The following PRDM4 variants were observed in gnomAD, a reference collection of about 807,000 sequenced individuals.
The protein encoded by PRDM4 is PR/SET domain 4.
PRDM4 carries 38 observed loss-of-function variants against 62.3 expected under a neutral mutation model. The ratio of observed to expected loss-of-function variants is 0.61; its 90% CI spans 0.47 to 0.80. The LOEUF (loss-of-function observed/expected upper bound fraction) is 0.80, where lower values mean the gene tolerates loss of function less well. Among genes scored for constraint, PRDM4 ranks in the 30% least tolerant of loss-of-function variants. The probability of loss-of-function intolerance (pLI) is 0.00; values close to 1 mark genes in which losing one functional copy is unlikely to be tolerated. For missense variants in PRDM4, 858 were observed against 997.1 expected (o/e 0.86, Z 1.88); for synonymous variants, 339 against 348.2 (o/e 0.97, Z 0.30).
At position 107,751,746 on chromosome 12, in the gene PRDM4, A is replaced by C. The variant is rs1890901988; in HGVS notation, c.795T>G (p.Pro265=). 1 of 1,614,226 alleles carries C rather than the reference A, an allele frequency of 6.2e-7. No individual in the cohort carries two copies. The highest frequency in any genetic ancestry group is 2.2e-5 in the East Asian group (1 of 44,882). Residue 265 remains proline (P), a synonymous_variant, in exon 5 of 12, where the codon CCT becomes CCG. Transcript: ENST00000228437. Reference sequence around the variant, plus strand: ...CAATGTGGTCTGTCTCCATGACCACAGGGAGCTCCAGGCCATTCCCATGCA... The same window carrying C: ...CAATGTGGTCTGTCTCCATGACCACCGGGAGCTCCAGGCCATTCCCATGCA... ...IPMHGNGLEL[P]VVMETDHIAS... is the part of the protein sequence containing the mutation.
At chr12:107,735,943 T>C (rs892650636) in intron 11 of PRDM4, among the ~76,000 whole-genome samples, 1 of 152,062 alleles carries the variant, frequency 6.6e-6, no homozygotes, top group African/African-American at 2.4e-5. Context: ...GAAGAACCCT[T>C]AGAATTCCCT....
intron 3 of PRDM4, 34 bp from the exon 4 acceptor site, chr12:107,754,143 A>C (rs192923215): frequency 1.3e-6 from 2 of 1,485,596 alleles, no homozygotes; most frequent in East Asian, 4.6e-5. Context: ...CAGTTAAAAG[A>C]AAATAGGTAA....
At position 107,733,468 on chromosome 12, in the gene PRDM4, A is replaced by G. The variant is rs191783728; in HGVS notation, c.*742T>C. On this transcript the variant is annotated 3_prime_UTR_variant, in exon 12 of 12. Transcript: ENST00000228437. ...ACTGGAGACAGGGAGCCATGTCTAAACCTACAAAGATCTCCACGTTACAAT... is the reference window on the plus strand; with the variant it reads ...ACTGGAGACAGGGAGCCATGTCTAAGCCTACAAAGATCTCCACGTTACAAT... 2.0e-5 allele frequency: 3 copies of G among 152,174 alleles called. No individual in the cohort carries two copies. Among genetic ancestry groups the G allele is most frequent in the African/African-American group, 4.8e-5 (2 of 41,506 alleles). 9.4% of individuals were successfully genotyped at this position (152,174 alleles called of 1,614,324 possible).
intron 8 of PRDM4, 56 bp from the exon 9 acceptor site, chr12:107,742,404 A>G: frequency 1.3e-6 from 2 of 1,566,146 alleles, no homozygotes; most frequent in Non-Finnish European, 8.8e-7. Flanking sequence ...CATACTAAGT[A>G]CAACATTCCC....
At chr12:107,750,658 A>C (rs1949054060) in intron 5 of PRDM4, among the ~76,000 whole-genome samples, 2 of 152,148 alleles carry the variant, frequency 1.3e-5, no homozygotes, top group African/African-American at 4.8e-5. Flanking sequence ...AAACTTTTAC[A>C]CGCCCAAGAA....
Position 107,761,128 on chromosome 12 carries a change from C to T in PRDM4, c.-428G>A, listed in dbSNP as rs1323453817. 6.6e-6 allele frequency: 1 copy of T among 151,506 alleles called. No homozygotes were observed. The highest frequency in any genetic ancestry group is 6.6e-5 in the Admixed American group (1 of 15,208). The allele number at this position is 151,506 out of a possible 1,614,324, so 9.4% of individuals were successfully genotyped here. ...CCGGCCCGCGGCCTCCTCTGGGCCGCACCCTCTGCGGCGCGTTTCCGGATC... is the reference window on the plus strand; with the variant it reads ...CCGGCCCGCGGCCTCCTCTGGGCCGTACCCTCTGCGGCGCGTTTCCGGATC... On this transcript the variant is annotated 5_prime_UTR_variant, in exon 1 of 12. Coordinates refer to ENST00000228437, the MANE Select transcript of PRDM4 (RefSeq NM_012406.4).
Position 107,760,690 on chromosome 12 carries a change from G to A in PRDM4, c.-175C>T. Reference sequence around the variant, plus strand: ...CAACTTCTCCCGAGGGCCGGTGGCCGTGCACCCCGCCACGGGTTGGGGCAT... The same window carrying A: ...CAACTTCTCCCGAGGGCCGGTGGCCATGCACCCCGCCACGGGTTGGGGCAT... On this transcript the variant is annotated 5_prime_UTR_variant, in exon 2 of 12. In the 5' UTR this introduces an upstream ATG that the reference lacks. Transcript: ENST00000228437. 6 of 686,794 alleles carry A rather than the reference G, an allele frequency of 8.7e-6. No individual in the cohort carries two copies. Among genetic ancestry groups the A allele is most frequent in the South Asian group, 1.9e-5 (1 of 52,556 alleles). 42.5% of individuals were successfully genotyped at this position (686,794 alleles called of 1,614,324 possible).
intron 6 of PRDM4, among the ~76,000 whole-genome samples, chr12:107,744,898 A>G (rs1890640393): frequency 1.3e-5 from 2 of 151,896 alleles, no homozygotes; most frequent in Non-Finnish European, 2.9e-5. Flanking sequence ...GGTCTCTACT[A>G]AAAATACAAA....
At chr12:107,740,892 C>A in intron 10 of PRDM4, 54 bp downstream of exon 10, 1 of 1,538,276 alleles carries the variant, frequency 6.5e-7, no homozygotes, top group East Asian at 2.3e-5. Flanking sequence ...GCCTTTACTA[C>A]CGCATTTTCT....
At chr12:107,742,763 CTTT>C (rs750002269) in intron 8 of PRDM4, among the ~76,000 whole-genome samples, 9 of 120,506 alleles carry the variant, frequency 7.5e-5, no homozygotes, top group Admixed American at 8.3e-5. Flanking sequence ...TGGTAAGTGC[CTTT>C]TTTTTTTTTT....
chr12:107,750,156 C>G (rs990838832), intron 5 of PRDM4, among the ~76,000 whole-genome samples: 1 of 152,212 alleles, frequency 6.6e-6, no homozygotes, highest in Non-Finnish European at 1.5e-5. Context: ...GTCTCCTATG[C>G]TTCCTACCAG....
At chr12:107,758,383 G>A (rs1891129602) in intron 2 of PRDM4, 1 of 151,732 alleles carries the variant, frequency 6.6e-6, no homozygotes, top group African/African-American at 2.4e-5. Context: ...CCAAGCAGCT[G>A]GGACCACAGG....
At chr12:107,755,061 C>T (rs1464132472) in intron 3 of PRDM4, among the ~76,000 whole-genome samples, 4 of 151,994 alleles carry the variant, frequency 2.6e-5, no homozygotes, top group Non-Finnish European at 5.9e-5. Flanking sequence ...TTGGTCAGTG[C>T]TGATTTGCAT....
chr12:107,750,867 T>A lies in PRDM4; in HGVS notation c.1126+548A>T, dbSNP rs139064998. ...ATTACTGGGCTAAACTTACCTTTTTTAAAAAAATATTGTATTATCACTATG... is the reference window on the plus strand; with the variant it reads ...ATTACTGGGCTAAACTTACCTTTTTAAAAAAAATATTGTATTATCACTATG... On this transcript the variant is annotated intron_variant, in intron 5 of 11. Coordinates refer to ENST00000228437, the MANE Select transcript of PRDM4 (RefSeq NM_012406.4). 2.1e-4 allele frequency among the ~76,000 whole-genome samples: 32 copies of A among 152,302 alleles called. 1 individual carries two copies. The highest frequency in any genetic ancestry group is 3.4e-3 in the Middle Eastern group (1 of 294).
In PRDM4 at chr12:107,741,079, T is replaced by C. The variant is rs1890502527; in HGVS notation, c.1791A>G (p.Gln597=). ...GAAGTTTGGAAGGAGAGATAAAAGC[T>C]TGGGGGCACATTGAGCACTTCCACT... The part of the protein sequence containing the change: ...ERKWKCSMCP[Q]AFISPSKLHV... The change falls in exon 10 of 12, where the codon CAA becomes CAG. Residue 597 remains glutamine (Q), a synonymous_variant. Transcript: ENST00000228437. 6.2e-7 allele frequency: 1 copy of C among 1,614,110 alleles called. No individual in the cohort carries two copies. The highest frequency in any genetic ancestry group is 8.5e-7 in the Non-Finnish European group (1 of 1,180,028).
At position 107,742,281 on chromosome 12, in the gene PRDM4, C is replaced by A; in HGVS notation, c.1549G>T (p.Asp517Tyr). The change falls in exon 9 of 12, where the codon GAT becomes TAT. Residue 517 changes from aspartate (D) to tyrosine (Y), a missense_variant. Coordinates refer to ENST00000228437, the MANE Select transcript of PRDM4 (RefSeq NM_012406.4). ...AGCAGTTCATTTTCAGGAGGGATAT[C>A]TTGTGAGGTGCAGAAAAAGATTTTT... is the stretch of plus-strand genomic sequence containing the variant. ...DGKIFFCTSQ[D>Y]IPPENELLFY... 1 of 1,613,366 alleles carries A rather than the reference C, an allele frequency of 6.2e-7. No individual in the cohort carries two copies. The highest frequency in any genetic ancestry group is 1.1e-5 in the South Asian group (1 of 91,064).
In PRDM4 at chr12:107,744,531, A is replaced by C; in HGVS notation, c.1395+12T>G. 2 of 1,610,502 alleles carry C rather than the reference A, an allele frequency of 1.2e-6. No homozygotes were observed. The highest frequency in any genetic ancestry group is 2.2e-5 in the South Asian group (2 of 90,862). On this transcript the variant is annotated intron_variant, in intron 7 of 11. Transcript: ENST00000228437. Reference sequence around the variant, plus strand: ...CAGCCAAAAGCCACAGAAAAGTTTCATCAGGACTGACCTTCCAGATATGGT... The same window carrying C: ...CAGCCAAAAGCCACAGAAAAGTTTCCTCAGGACTGACCTTCCAGATATGGT...
At chr12:107,749,177 A>T (rs552522084) in intron 5 of PRDM4, among the ~76,000 whole-genome samples, 5 of 152,206 alleles carry the variant, frequency 3.3e-5, no homozygotes, top group Non-Finnish European at 7.4e-5. Context: ...TACAGCCACA[A>T]ATAACATCTT....
At position 107,734,299 on chromosome 12, in the gene PRDM4, C is replaced by T; in HGVS notation, c.2317G>A (p.Glu773Lys). 1 of 1,614,194 alleles carries T rather than the reference C, an allele frequency of 6.2e-7. No individual in the cohort carries two copies. The highest frequency in any genetic ancestry group is 8.5e-7 in the Non-Finnish European group (1 of 1,180,028). Residue 773 changes from glutamate to lysine, a missense_variant, in exon 12 of 12, where the codon GAA (glutamate) becomes AAA (lysine). Coordinates refer to ENST00000228437, the MANE Select transcript of PRDM4 (RefSeq NM_012406.4). ...EEEEEDDSEE[E>K]DLADSVGTED... ...GTCCCCACAGAGTCTGCTAGATCTTCCTCTTCTGAGTCATCCTCTTCTTCC... is the reference window on the plus strand; with the variant it reads ...GTCCCCACAGAGTCTGCTAGATCTTTCTCTTCTGAGTCATCCTCTTCTTCC...
Sources: gnomAD v4.1 joint callset for allele counts (sites outside exome capture counted in the v4.1 genomes callset) on GRCh38, gnomAD v4.1.1 for gene constraint, MANE v1.5 for transcripts, NCBI Gene and HGNC (gene_info 2026-07-23, HGNC 2026-07-21) for gene names.